TENM2: variants seen among roughly 807,000 people sequenced by gnomAD.
TENM2 encodes teneurin transmembrane protein 2.
TENM2 carries 52 observed loss-of-function variants against 245.2 expected under a neutral mutation model. The observed-to-expected ratio is 0.21, with a 90% CI of 0.17 to 0.27. The LOEUF (loss-of-function observed/expected upper bound fraction) is 0.27. Ranked by LOEUF, TENM2 falls within the 10% of genes least tolerant of loss-of-function variation. The pLI, the probability that TENM2 is intolerant of heterozygous loss-of-function variation, is 1.00. For synonymous variants in TENM2, 1,363 were observed against 1,438.9 expected (o/e 0.95, Z 1.19); for missense variants, 3,046 against 3,666.8 (o/e 0.83, Z 4.37).
chr5:167,687,649 C>T (rs993147812), intron 2 of TENM2, among the ~76,000 whole-genome samples: 3 of 152,084 alleles, frequency 2.0e-5, no homozygotes, highest in African/African-American at 7.2e-5. Context: ...GATCAAGGTA[C>T]TTTGAGTTTA....
At chr5:167,897,910 T>G (rs1216195391) in intron 3 of TENM2, among the ~76,000 whole-genome samples, 4 of 97,130 alleles carry the variant, frequency 4.1e-5, no homozygotes, top group East Asian at 3.9e-4. Flanking sequence ...TTTTTTTTTT[T>G]GCATCTGCTG....
chr5:167,380,770 A>T (rs1761055047), intron 2 of TENM2, among the ~76,000 whole-genome samples: 1 of 152,134 alleles, frequency 6.6e-6, no homozygotes, highest in Admixed American at 6.5e-5. Flanking sequence ...CAGTACTTTA[A>T]CTTCAGTTGA....
At chr5:168,208,352 T>C (rs896152740) in intron 19 of TENM2, among the ~76,000 whole-genome samples, 3 of 152,254 alleles carry the variant, frequency 2.0e-5, no homozygotes, top group Non-Finnish European at 4.4e-5. Flanking sequence ...TTCTCCATGC[T>C]GACATTCTGA....
intron 2 of TENM2, among the ~76,000 whole-genome samples, chr5:167,513,326 A>C (rs992409552): frequency 6.6e-6 from 1 of 152,178 alleles, no homozygotes; most frequent in African/African-American, 2.4e-5. Context: ...TTCAGAGGCA[A>C]TAAAATATAG....
chr5:168,247,947 C>T lies in TENM2; in HGVS notation c.7008C>T (p.Tyr2336=). ...ACCCGACGCGCATCACCCATGTCTACAATCACTCCAACTCGGAGATTACCT... is the reference window on the plus strand; with the variant it reads ...ACCCGACGCGCATCACCCATGTCTATAATCACTCCAACTCGGAGATTACCT... The change falls in exon 27 of 29, where the codon TAC becomes TAT. Residue 2336 remains tyrosine (Y), a synonymous_variant. Coordinates refer to ENST00000518659, the Ensembl canonical transcript of TENM2. The surrounding 1 kb of genome is among the most constrained non-coding windows in gnomAD (Gnocchi z 7.8). 1 of 1,613,966 alleles carries T rather than the reference C, an allele frequency of 6.2e-7. No homozygotes were observed.
intron 5 of TENM2, among the ~76,000 whole-genome samples, chr5:168,020,731 T>C (rs1786071603): frequency 6.6e-6 from 1 of 152,208 alleles, no homozygotes; most frequent in South Asian, 2.1e-4. Context: ...AGATACAGTG[T>C]GTCTTTGGAC....
At chr5:167,751,294 T>G (rs1761945796) in intron 2 of TENM2, among the ~76,000 whole-genome samples, 1 of 152,160 alleles carries the variant, frequency 6.6e-6, no homozygotes, top group African/African-American at 2.4e-5. Context: ...ATGACCAGAT[T>G]TGTTTTTAAA....
intron 2 of TENM2, among the ~76,000 whole-genome samples, chr5:167,758,903 C>T (rs11750131): frequency 0.57 from 86,798 of 151,552 alleles, 27,332 homozygotes; most frequent in Middle Eastern, 0.73. Flanking sequence ...AAAACTATAG[C>T]CCAGCTAGTT....
intron 2 of TENM2, among the ~76,000 whole-genome samples, chr5:167,449,509 CAGATAGATAGATAGAT>C (rs60756285): frequency 0.041 from 5,874 of 144,042 alleles, 155 homozygotes; most frequent in African/African-American, 0.06. Flanking sequence ...TAAAGATATG[CAGATAGATAGATAGAT>C]AGATAGATAG....
chr5:167,677,518 C>T (rs1017616357), intron 2 of TENM2, among the ~76,000 whole-genome samples: 1 of 151,600 alleles, frequency 6.6e-6, no homozygotes, highest in African/African-American at 2.4e-5. Context: ...CAAAATCTGT[C>T]AGAATACATT....
At chr5:167,178,770 T>C in the TENM2 span, among the ~76,000 whole-genome samples, 1 of 152,124 alleles carries the variant, frequency 6.6e-6, no homozygotes, top group Non-Finnish European at 1.5e-5. Context: ...GTCAAGTATC[T>C]CAACAGAGGG....
intron 2 of TENM2, among the ~76,000 whole-genome samples, chr5:167,446,181 A>G (rs112405920): frequency 5.9e-5 from 9 of 152,170 alleles, no homozygotes; most frequent in African/African-American, 2.2e-4. Context: ...ACACAGTTTG[A>G]ATTTAGTGTT....
At chr5:168,062,934 G>A (rs1160786880) in intron 7 of TENM2, among the ~76,000 whole-genome samples, 1 of 152,028 alleles carries the variant, frequency 6.6e-6, no homozygotes, top group African/African-American at 2.4e-5. Context: ...TGAGGTGATG[G>A]TTTACCCAAC....
At position 168,159,197 on chromosome 5, in the gene TENM2, T is replaced by C. The variant is rs1234184918; in HGVS notation, c.2423-3414T>C. 3.9e-5 allele frequency among the ~76,000 whole-genome samples: 6 copies of C among 152,082 alleles called. No individual in the cohort carries two copies. The East Asian group carries it at 7.7e-4, about 20-fold the overall frequency. On this transcript the variant is annotated intron_variant, in intron 12 of 28. Transcript: ENST00000518659. ...TCTTCAGACAATGCCAAATGTTTTC[T>C]GGAGAGAAATAGGGAGACAAAATTG...
intron 2 of TENM2, among the ~76,000 whole-genome samples, chr5:167,476,098 G>T (rs1767352554): frequency 6.6e-6 from 1 of 152,160 alleles, no homozygotes; most frequent in Non-Finnish European, 1.5e-5. Context: ...TTTCGTTGAA[G>T]TATATGAAGA....
At chr5:167,240,467 A>G in the TENM2 span, among the ~76,000 whole-genome samples, 76 of 152,256 alleles carry the variant, frequency 5.0e-4, no homozygotes, top group African/African-American at 1.7e-3. Context: ...GTTAAGTTAA[A>G]AAAAGGTTTC....
At chr5:167,460,171 A>C (rs1270321272) in intron 2 of TENM2, among the ~76,000 whole-genome samples, 2 of 152,178 alleles carry the variant, frequency 1.3e-5, no homozygotes, top group Non-Finnish European at 2.9e-5. Context: ...AAATTTAGTT[A>C]GAGCCACATC....
intron 4 of TENM2, among the ~76,000 whole-genome samples, chr5:167,970,871 T>C (rs912454567): frequency 2.0e-5 from 3 of 151,288 alleles, no homozygotes; most frequent in Admixed American, 6.6e-5. Context: ...ACACATGCAT[T>C]TAAACCCACC....
intron 2 of TENM2, among the ~76,000 whole-genome samples, chr5:167,421,003 A>G (rs540379485): frequency 6.6e-6 from 1 of 152,332 alleles, no homozygotes; most frequent in South Asian, 2.1e-4. Context: ...AACTAAATTA[A>G]TTGGAGACAA....
Sources: gnomAD v4.1 joint callset for allele counts (sites outside exome capture counted in the v4.1 genomes callset) on GRCh38, gnomAD v4.1.1 for gene constraint, Gnocchi (gnomAD v3.1) non-coding constraint, MANE v1.5 for transcripts, NCBI Gene and HGNC (gene_info 2026-07-23, HGNC 2026-07-21) for gene names.